NAALADL2: variants seen among roughly 807,000 people sequenced by gnomAD.
NAALADL2 encodes N-acetylated alpha-linked acidic dipeptidase like 2, also known as inactive N-acetylated-alpha-linked acidic dipeptidase-like protein 2.
Under a neutral mutation model 87.2 loss-of-function variants are expected in NAALADL2, and 76 were observed. The observed-to-expected ratio is 0.87, with a 90% CI of 0.72 to 1.05. The LOEUF is 1.05. Ranked by LOEUF, NAALADL2 falls within the 50% of genes least tolerant of loss-of-function variation. The pLI, the probability that NAALADL2 is intolerant of heterozygous loss-of-function variation, is 0.00. For missense variants in NAALADL2, 1,089 were observed against 945.8 expected (o/e 1.15, Z -1.99); for synonymous variants, 354 against 331.0 (o/e 1.07, Z -0.75).
intron 11 of NAALADL2, among the ~76,000 whole-genome samples, chr3:175,684,572 T>A (rs566253548): frequency 2.0e-5 from 3 of 152,106 alleles, no homozygotes; most frequent in Non-Finnish European, 4.4e-5. Flanking sequence ...AACTGGAGGA[T>A]CACTTGATGC....
At chr3:175,583,884 A>AGGCAAG (rs775014731) in intron 10 of NAALADL2, among the ~76,000 whole-genome samples, 22 of 152,232 alleles carry the variant, frequency 1.4e-4, no homozygotes, top group Non-Finnish European at 1.8e-4. Context: ...AAAATGATAA[A>AGGCAAG]GGCAAGGTAG....
At chr3:174,980,026 C>T (rs1291756213) in intron 1 of NAALADL2, among the ~76,000 whole-genome samples, 1 of 152,072 alleles carries the variant, frequency 6.6e-6, no homozygotes, top group East Asian at 1.9e-4. Flanking sequence ...TTGCTTGGGC[C>T]AGGCCTACTC....
intron 3 of NAALADL2, among the ~76,000 whole-genome samples, chr3:174,798,399 C>T (rs962522119): frequency 5.9e-5 from 9 of 152,260 alleles, no homozygotes; most frequent in South Asian, 4.1e-4. Context: ...TAAGATTATT[C>T]GGCCTCTTCT....
At chr3:175,059,010 C>T (rs1264828387) in intron 1 of NAALADL2, among the ~76,000 whole-genome samples, 1 of 152,136 alleles carries the variant, frequency 6.6e-6, no homozygotes, top group Non-Finnish European at 1.5e-5. Flanking sequence ...TTGTCAGGGA[C>T]ATTGCTTTAT....
At position 175,029,066 on chromosome 3, in the gene NAALADL2, A is replaced by ATAT. The variant is rs569220638; in HGVS notation, c.44-67724_44-67723insTAT. ...TATTAAAATTATATATATATATATAAAAAACTCAAAATGTGCATGCAATTT... is the reference window on the plus strand; with the variant it reads ...TATTAAAATTATATATATATATATAATATAAAACTCAAAATGTGCATGCAATTT... On this transcript the variant is annotated intron_variant, in intron 1 of 13. Transcript: ENST00000454872. 4.7e-3 allele frequency among the ~76,000 whole-genome samples: 637 copies of ATAT among 136,016 alleles called. 9 individuals carry two copies. The highest frequency in any genetic ancestry group is 0.016 in the African/African-American group (602 of 38,104). 89.2% of individuals were successfully genotyped at this position (136,016 alleles called of 152,430 possible).
chr3:174,730,995 A>G (rs1368022711), intron 2 of NAALADL2, among the ~76,000 whole-genome samples: 6 of 152,136 alleles, frequency 3.9e-5, no homozygotes, highest in African/African-American at 1.4e-4. Context: ...CACAATTATA[A>G]ATTTTTTTCA....
chr3:175,511,536 T>C (rs893963692), intron 9 of NAALADL2, among the ~76,000 whole-genome samples: 1 of 152,170 alleles, frequency 6.6e-6, no homozygotes, highest in Non-Finnish European at 1.5e-5. Context: ...CCTGTGAACA[T>C]GTTGATCTTG....
intron 4 of NAALADL2, among the ~76,000 whole-genome samples, chr3:175,275,033 T>A (rs774024808): frequency 2.6e-5 from 4 of 152,194 alleles, no homozygotes; most frequent in Non-Finnish European, 1.5e-5. Flanking sequence ...CACCTTATTA[T>A]CTGAATTGTT....
rs145652623 is a variant in NAALADL2 at position 174,455,450 on chromosome 3, T to C, written c.-184+14418T>C. ...CAGAAAAGCCTTTAGGCCAACATCC[T>C]TGATGCACATCAATGCAAAAATCCT... On this transcript the variant is annotated intron_variant, in intron 1 of 3. Coordinates refer to the NAALADL2 transcript ENST00000434257. Among the ~76,000 whole-genome samples, 373 of 152,206 alleles carry C rather than the reference T, an allele frequency of 2.5e-3. 3 individuals carry two copies. The highest frequency in any genetic ancestry group is 8.5e-3 in the African/African-American group (352 of 41,542).
intron 9 of NAALADL2, among the ~76,000 whole-genome samples, chr3:175,570,476 G>A (rs1717892454): frequency 6.6e-6 from 1 of 152,136 alleles, no homozygotes; most frequent in Non-Finnish European, 1.5e-5. Flanking sequence ...CATCATTGGT[G>A]TCATTGTAAT....
intron 5 of NAALADL2, among the ~76,000 whole-genome samples, chr3:175,349,332 T>C (rs1042317542): frequency 5.9e-5 from 9 of 151,844 alleles, no homozygotes; most frequent in Non-Finnish European, 1.3e-4. Context: ...TGAGACCTAC[T>C]AAACAGGGGA....
chr3:174,900,659 T>C (rs1732193617), intron 1 of NAALADL2, among the ~76,000 whole-genome samples: 1 of 152,018 alleles, frequency 6.6e-6, no homozygotes, highest in Non-Finnish European at 1.5e-5. Context: ...CTAAACATTT[T>C]ATACCTTATG....
intron 2 of NAALADL2, among the ~76,000 whole-genome samples, chr3:174,716,504 T>G: frequency 6.6e-6 from 1 of 152,136 alleles, no homozygotes; most frequent in African/African-American, 2.4e-5. Flanking sequence ...GTTACATTTC[T>G]AGGTTTATAT....
chr3:174,849,535 G>A (rs371995369), intron 3 of NAALADL2, among the ~76,000 whole-genome samples: 6 of 152,130 alleles, frequency 3.9e-5, no homozygotes, highest in African/African-American at 1.2e-4. Context: ...AGGAGTTCAA[G>A]ACCAGCCCTG....
chr3:174,471,866 C>T (rs1716930157), intron 1 of NAALADL2, among the ~76,000 whole-genome samples: 1 of 152,064 alleles, frequency 6.6e-6, no homozygotes, highest in Admixed American at 6.5e-5. Flanking sequence ...CCAAATGTTA[C>T]AGGTTAGTAA....
intron 9 of NAALADL2, among the ~76,000 whole-genome samples, chr3:175,472,739 T>C (rs1270715695): frequency 6.6e-6 from 1 of 152,112 alleles, no homozygotes; most frequent in Admixed American, 6.6e-5. Context: ...AAAGAAGACA[T>C]TATGAAACAT....
At chr3:174,733,475 C>T (rs1411165410) in intron 2 of NAALADL2, among the ~76,000 whole-genome samples, 1 of 152,234 alleles carries the variant, frequency 6.6e-6, no homozygotes, top group African/African-American at 2.4e-5. Flanking sequence ...ATGCAGATGG[C>T]AATATGCCAT....
intron 2 of NAALADL2, among the ~76,000 whole-genome samples, chr3:175,211,588 A>G (rs1741774027): frequency 1.3e-5 from 2 of 151,894 alleles, no homozygotes; most frequent in Admixed American, 6.6e-5. Context: ...CCTAACTTAC[A>G]TTGTCATTCA....
chr3:174,642,600 A>G (rs1157894889), intron 2 of NAALADL2, among the ~76,000 whole-genome samples: 1 of 151,416 alleles, frequency 6.6e-6, no homozygotes. Flanking sequence ...AGTGTACACT[A>G]CTAGCTCCTT....
Sources: allele counts gnomAD v4.1 joint callset (sites outside exome capture counted in the v4.1 genomes callset), GRCh38; gene constraint gnomAD v4.1.1; transcripts MANE v1.5; gene names NCBI Gene and HGNC (gene_info 2026-07-23, HGNC 2026-07-21).